Variants in NRDE2 observed in about 807,000 individuals in gnomAD.
The protein encoded by NRDE2 is nuclear exosome regulator NRDE2.
In NRDE2, 76 loss-of-function variants were observed where a neutral mutation model predicts 124.2. The observed-to-expected ratio is 0.61, with a 90% CI of 0.51 to 0.74. NRDE2 has a LOEUF of 0.74. Ranked by LOEUF, NRDE2 falls within the 30% of genes least tolerant of loss-of-function variation. The probability of loss-of-function intolerance (pLI) is 0.00; values close to 1 mark genes in which losing one functional copy is unlikely to be tolerated. For missense variants in NRDE2, 1,314 were observed against 1,417.3 expected (o/e 0.93, Z 1.17); for synonymous variants, 489 against 528.1 (o/e 0.93, Z 1.01).
intron 9 of NRDE2, 80 bp from the exon 10 acceptor site, chr14:90,290,687 T>G: frequency 7.2e-7 from 1 of 1,387,156 alleles, no homozygotes; most frequent in Non-Finnish European, 9.8e-7. Flanking sequence ...TATATGCATG[T>G]ACTAATGGTT....
intron 8 of NRDE2, among the ~76,000 whole-genome samples, chr14:90,296,468 T>C (rs1884150727): frequency 6.6e-6 from 1 of 152,220 alleles, no homozygotes; most frequent in South Asian, 2.1e-4. Flanking sequence ...CTGACAGCAC[T>C]GCCCAGAGGA....
chr14:90,304,642 C>G (rs1292462661), intron 4 of NRDE2: 9 of 390,424 alleles, frequency 2.3e-5, no homozygotes, highest in Middle Eastern at 7.0e-4. Flanking sequence ...TCTTCTAGAT[C>G]TTAGTAATTT....
chr14:90,331,027 A>G (rs1885676577), intron 1 of NRDE2, among the ~76,000 whole-genome samples: 1 of 151,916 alleles, frequency 6.6e-6, no homozygotes, highest in African/African-American at 2.4e-5. Flanking sequence ...TCTGGGCTCA[A>G]GCAATCCTCC....
intron 7 of NRDE2, among the ~76,000 whole-genome samples, chr14:90,299,994 T>C (rs1480766514): frequency 1.3e-5 from 2 of 152,230 alleles, no homozygotes; most frequent in East Asian, 1.9e-4. Context: ...AAAGTTGTCA[T>C]GTAAATGCTT....
chr14:90,285,000 C>T (rs61986782), intron 12 of NRDE2, among the ~76,000 whole-genome samples: 39,787 of 151,820 alleles, frequency 0.26, 5,706 homozygotes, highest in Middle Eastern at 0.42. Context: ...GATTTTAGGC[C>T]GGGCGCAGTG....
chr14:90,275,402 T>G lies in NRDE2; in HGVS notation c.*2934A>C, dbSNP rs1264464841. 2.0e-5 allele frequency: 3 copies of G among 152,032 alleles called. No individual in the cohort carries two copies. The highest frequency in any genetic ancestry group is 4.4e-5 in the Non-Finnish European group (3 of 68,004). The allele number at this position is 152,032 out of a possible 1,614,324, so 9.4% of individuals were successfully genotyped here. A position where few individuals can be genotyped will look rare whatever the true frequency, so the allele number is the denominator to read the frequency against. On this transcript the variant is annotated 3_prime_UTR_variant, in exon 14 of 14. Transcript: ENST00000354366. ...AACGCACTTGCATCTTTTCCTAAGTTTGAGATTAAAAAAAACAAAAAACCC... is the reference window on the plus strand; with the variant it reads ...AACGCACTTGCATCTTTTCCTAAGTGTGAGATTAAAAAAAACAAAAAACCC...
At chr14:90,299,880 A>G (rs550158865) in intron 7 of NRDE2, among the ~76,000 whole-genome samples, 1 of 152,244 alleles carries the variant, frequency 6.6e-6, no homozygotes, top group Non-Finnish European at 1.5e-5. Flanking sequence ...CAGACCAGTA[A>G]TATCAGACCT....
chr14:90,312,797 CA>C (rs1374687434), intron 3 of NRDE2, among the ~76,000 whole-genome samples: 3 of 152,162 alleles, frequency 2.0e-5, no homozygotes, highest in African/African-American at 7.2e-5. Flanking sequence ...CTTCCTATCT[CA>C]AAAATTAACC....
intron 2 of NRDE2, chr14:90,317,562 A>G (rs569761217): frequency 3.3e-4 from 51 of 153,050 alleles, no homozygotes; most frequent in Non-Finnish European, 6.3e-4. Flanking sequence ...TCTCAGTTCA[A>G]TGATCTAAAA....
chr14:90,298,380 C>T lies in NRDE2; in HGVS notation c.1546G>A (p.Val516Met), dbSNP rs754913653. ...SVKDLPTKGQVEFFEPFWDSG... is the reference protein window; with the variant it reads ...SVKDLPTKGQMEFFEPFWDSG... ...TCCCAAAAGGGTTCAAAGAATTCCACCTGTTCAGATTTTAGAATGGACGTT... is the reference window on the plus strand; with the variant it reads ...TCCCAAAAGGGTTCAAAGAATTCCATCTGTTCAGATTTTAGAATGGACGTT... The change falls in exon 8 of 14, where the codon GTG (valine) becomes ATG (methionine). Residue 516 changes from valine to methionine, a missense_variant and splice_region_variant. Val to Met is a conservative substitution (Grantham distance 21). Transcript: ENST00000354366. The T allele has an allele frequency of 6.2e-7, 1 of 1,613,664 alleles. No homozygotes were observed. The highest frequency in any genetic ancestry group is 1.3e-5 in the African/African-American group (1 of 74,920).
rs1027730054 is a variant in NRDE2, at chr14:90,276,597, T to A, written c.*1739A>T. The A allele has an allele frequency of 7.2e-4, 110 of 152,168 alleles. No homozygotes were observed. Among genetic ancestry groups the A allele is most frequent in the African/African-American group, 2.5e-3 (105 of 41,532 alleles). The allele number at this position is 152,168 out of a possible 1,614,324, so 9.4% of individuals were successfully genotyped here. A position where few individuals can be genotyped will look rare whatever the true frequency, so the allele number is the denominator to read the frequency against. On this transcript the variant is annotated 3_prime_UTR_variant, in exon 14 of 14. Coordinates refer to ENST00000354366, the MANE Select transcript of NRDE2 (RefSeq NM_017970.4). ...AAAATGCCCTCAAGGAATCTTTGAT[T>A]TGTTTTAAACCTCCTCCCATGCAGC... is the stretch of plus-strand genomic sequence containing the variant.
At chr14:90,289,692 A>G (rs891944847) in intron 10 of NRDE2, among the ~76,000 whole-genome samples, 2 of 152,204 alleles carry the variant, frequency 1.3e-5, no homozygotes, top group East Asian at 1.9e-4. Context: ...TGTTCAAGCG[A>G]TTCTCCTGCC....
chr14:90,296,114 T>C (rs544287088), intron 8 of NRDE2, among the ~76,000 whole-genome samples: 1 of 152,308 alleles, frequency 6.6e-6, no homozygotes, highest in South Asian at 2.1e-4. Context: ...CAGCAAACCG[T>C]GTAACAGATA....
chr14:90,279,021 G>T, intron 13 of NRDE2, 41 bp downstream of exon 13: 1 of 1,482,480 alleles, frequency 6.7e-7, no homozygotes, highest in Non-Finnish European at 9.4e-7. Context: ...CTGGCGGGAA[G>T]TTTTCGGGAA....
chr14:90,281,840 GAA>G (rs1228350927), intron 12 of NRDE2, among the ~76,000 whole-genome samples: 1 of 152,204 alleles, frequency 6.6e-6, no homozygotes, highest in African/African-American at 2.4e-5. Context: ...GCTCCTGAGA[GAA>G]GACTGACACT....
At chr14:90,299,609 A>C (rs1239631415) in intron 7 of NRDE2, among the ~76,000 whole-genome samples, 1 of 152,206 alleles carries the variant, frequency 6.6e-6, no homozygotes, top group Non-Finnish European at 1.5e-5. Flanking sequence ...ATGGGCCATG[A>C]GCCACAGGAT....
chr14:90,286,057 C>T lies in NRDE2; in HGVS notation c.3297+297G>A, dbSNP rs117080913. Among the ~76,000 whole-genome samples, 29 of 152,320 alleles carry T rather than the reference C, an allele frequency of 1.9e-4. No homozygotes were observed. The East Asian group carries it at 4.2e-3, about 22-fold the overall frequency. Reference sequence around the variant, plus strand: ...TTTGCAAGTTACCGACTTAAGTCAACTCAGAGAAACCCACATTAAATCCTA... The same window carrying T: ...TTTGCAAGTTACCGACTTAAGTCAATTCAGAGAAACCCACATTAAATCCTA... On this transcript the variant is annotated intron_variant, in intron 12 of 13. Coordinates refer to ENST00000354366, the MANE Select transcript of NRDE2 (RefSeq NM_017970.4).
rs1264995477 is a variant in NRDE2 at position 90,290,592 on chromosome 14, T to C, written c.1858A>G (p.Ile620Val). ...GAAAGTCTGATCAAAGATTGCCCAA[T>C]ATCATCAAACAACACCTGCAACAAA... ...DPERQVLFDD[I>V]GQSLIRLSSH... The change falls in exon 10 of 14, where the codon ATT (isoleucine) becomes GTT (valine). Residue 620 changes from isoleucine (I) to valine (V), a missense_variant. Ile to Val is a conservative substitution (Grantham distance 29). Coordinates refer to ENST00000354366, the MANE Select transcript of NRDE2 (RefSeq NM_017970.4). 1 of 1,608,356 alleles carries C rather than the reference T, an allele frequency of 6.2e-7. No individual in the cohort carries two copies. The highest frequency in any genetic ancestry group is 8.5e-7 in the Non-Finnish European group (1 of 1,177,170).
Position 90,321,479 on chromosome 14 carries a change from AG to A in NRDE2, c.65-3367del, listed in dbSNP as rs1189414426. ...ATTATACTAGCACTTTGGGAAGCTG[AG>A]AAGGGAGGACCACTGGAGCCCAGGA... On this transcript the variant is annotated intron_variant, in intron 1 of 13. Coordinates refer to ENST00000354366, the MANE Select transcript of NRDE2 (RefSeq NM_017970.4). Among the ~76,000 whole-genome samples the A allele has an allele frequency of 5.4e-5, 8 of 149,250 alleles. No homozygotes were observed. In the East Asian group the frequency reaches 1.0e-3, roughly 19 times the overall value.
Sources: gnomAD v4.1 joint callset for allele counts (sites outside exome capture counted in the v4.1 genomes callset) on GRCh38, gnomAD v4.1.1 for gene constraint, MANE v1.5 for transcripts, NCBI Gene and HGNC (gene_info 2026-07-23, HGNC 2026-07-21) for gene names.